MANBA: variants seen among roughly 807,000 people sequenced by gnomAD.
MANBA encodes the protein beta-mannosidase.
In MANBA, 83 loss-of-function variants were observed where a neutral mutation model predicts 111.1. That is an observed-to-expected ratio of 0.75 (90% CI 0.63 to 0.90). MANBA has a LOEUF of 0.90. Among genes scored for constraint, MANBA ranks in the 40% least tolerant of loss-of-function variants. The pLI is 0.00. For synonymous variants in MANBA, 370 were observed against 378.7 expected (o/e 0.98, Z 0.27); for missense variants, 1,036 against 1,069.0 (o/e 0.97, Z 0.43).
intron 1 of MANBA, among the ~76,000 whole-genome samples, chr4:102,752,955 C>T (rs1723865581): frequency 6.6e-6 from 1 of 152,090 alleles, no homozygotes; most frequent in Admixed American, 6.5e-5. Context: ...GTCCCAATTG[C>T]ATGTGAAGAA....
chr4:102,760,924 G>T lies in MANBA; in HGVS notation c.-30C>A. The T allele has an allele frequency of 6.5e-7, 1 of 1,543,564 alleles. No homozygotes were observed. Among genetic ancestry groups the T allele is most frequent in the Non-Finnish European group, 8.7e-7 (1 of 1,148,734 alleles). On this transcript the variant is annotated 5_prime_UTR_variant, in exon 1 of 17. Transcript: ENST00000647097. ...AGATCCCGCGCCACCGAGATGTGGA[G>T]AGATCGAAAGGCAGCGCTGCAAGGG...
At chr4:102,712,186 T>G (rs934020086) in intron 5 of MANBA, among the ~76,000 whole-genome samples, 2 of 152,194 alleles carry the variant, frequency 1.3e-5, no homozygotes, top group Non-Finnish European at 1.5e-5. Context: ...CCCATAAATA[T>G]GTACAAATAT....
chr4:102,733,346 T>C (rs1054160796), intron 1 of MANBA, among the ~76,000 whole-genome samples: 25 of 148,826 alleles, frequency 1.7e-4, no homozygotes, highest in Admixed American at 5.3e-4. Context: ...AAGTCCTCTC[T>C]GCATTTTTTT....
chr4:102,641,279 G>T (rs1036049294), intron 13 of MANBA, among the ~76,000 whole-genome samples: 1 of 152,190 alleles, frequency 6.6e-6, no homozygotes, highest in African/African-American at 2.4e-5. Context: ...ACAGGAAGCC[G>T]GGAGCAATGG....
intron 14 of MANBA, among the ~76,000 whole-genome samples, chr4:102,636,269 T>C (rs992624231): frequency 1.3e-5 from 2 of 152,208 alleles, no homozygotes; most frequent in African/African-American, 4.8e-5. Context: ...TTCATCATTG[T>C]GTGATCATAG....
chr4:102,672,601 A>G (rs375858152), intron 8 of MANBA, among the ~76,000 whole-genome samples: 19 of 152,338 alleles, frequency 1.2e-4, no homozygotes, highest in African/African-American at 4.3e-4. Flanking sequence ...CCATCCTACA[A>G]CAGGGGTCCC....
intron 7 of MANBA, 45 bp from the exon 8 acceptor site, chr4:102,674,115 A>C: frequency 1.4e-6 from 2 of 1,452,634 alleles, no homozygotes; most frequent in Non-Finnish European, 9.6e-7. Context: ...TTTAAACATA[A>C]GCAAAATAGT....
chr4:102,660,430 A>T (rs189017745), intron 11 of MANBA, among the ~76,000 whole-genome samples: 26 of 152,298 alleles, frequency 1.7e-4, no homozygotes, highest in African/African-American at 6.0e-4. Flanking sequence ...AAGCACTTAC[A>T]TAATTAACTT....
intron 1 of MANBA, among the ~76,000 whole-genome samples, chr4:102,747,227 C>A (rs966105977): frequency 6.6e-6 from 1 of 151,826 alleles, no homozygotes; most frequent in Non-Finnish European, 1.5e-5. Flanking sequence ...TCCCATAACA[C>A]GCCATCTGCA....
chr4:102,737,553 G>A (rs1723260820), intron 1 of MANBA, among the ~76,000 whole-genome samples: 1 of 151,934 alleles, frequency 6.6e-6, no homozygotes, highest in African/African-American at 2.4e-5. Context: ...CACGATCTCT[G>A]CTCACTGCAA....
At position 102,632,224 on chromosome 4, in the gene MANBA, C is replaced by T. The variant is rs182869272; in HGVS notation, c.2473G>A (p.Ala825Thr). The T allele has an allele frequency of 6.6e-5, 107 of 1,613,664 alleles. 1 individual carries two copies. The highest frequency in any genetic ancestry group is 1.7e-4 in the Middle Eastern group (1 of 6,058). ...FVFDLETSAVAPFVWLDVGSI... is the reference protein window; with the variant it reads ...FVFDLETSAVTPFVWLDVGSI... ...CCTACATCCAACCAAACAAAGGGAG[C>T]GACAGCTGAGGTCTCCAGGTCAAAA... is the stretch of plus-strand genomic sequence containing the variant. The change falls in exon 17 of 17, where the codon GCT becomes ACT. Residue 825 changes from alanine to threonine, a missense_variant. Physicochemically the swap from Ala to Thr is moderately conservative, Grantham distance 58. Coordinates refer to ENST00000647097, the MANE Select transcript of MANBA (RefSeq NM_005908.4).
intron 5 of MANBA, among the ~76,000 whole-genome samples, chr4:102,700,489 G>C (rs1380840424): frequency 4.0e-5 from 6 of 151,524 alleles, no homozygotes; most frequent in Non-Finnish European, 5.9e-5. Flanking sequence ...TTCTCTTGTG[G>C]GCATTTAGTG....
chr4:102,760,400 GGCA>G (rs1211104660), intron 1 of MANBA, among the ~76,000 whole-genome samples: 1 of 152,076 alleles, frequency 6.6e-6, no homozygotes, highest in Non-Finnish European at 1.5e-5. Flanking sequence ...TGTCAGTGAC[GGCA>G]TGCCCTTTGT....
intron 11 of MANBA, among the ~76,000 whole-genome samples, chr4:102,661,047 C>T (rs1327525068): frequency 3.3e-5 from 5 of 152,234 alleles, no homozygotes; most frequent in Non-Finnish European, 7.4e-5. Flanking sequence ...ACCTTCCATT[C>T]TCCCACAGTA....
intron 11 of MANBA, among the ~76,000 whole-genome samples, chr4:102,661,184 T>A (rs946305036): frequency 6.6e-6 from 1 of 152,220 alleles, no homozygotes; most frequent in Non-Finnish European, 1.5e-5. Flanking sequence ...TAGACAATGC[T>A]TTGCCTCAAA....
intron 5 of MANBA, among the ~76,000 whole-genome samples, chr4:102,697,578 A>G (rs888178744): frequency 7.2e-6 from 1 of 138,800 alleles, no homozygotes; most frequent in Non-Finnish European, 1.5e-5. Context: ...TCATTGTTCA[A>G]TTCCCACCTA....
chr4:102,687,251 C>T (rs946402036), intron 7 of MANBA, among the ~76,000 whole-genome samples: 4 of 152,122 alleles, frequency 2.6e-5, no homozygotes, highest in African/African-American at 9.7e-5. Context: ...GTAGACCAAC[C>T]AATCCTCATT....
intron 9 of MANBA, among the ~76,000 whole-genome samples, chr4:102,670,742 G>A (rs1353150748): frequency 1.3e-5 from 2 of 152,138 alleles, no homozygotes; most frequent in African/African-American, 4.8e-5. Context: ...GCACATGCCT[G>A]TAATCCCAGC....
chr4:102,648,055 C>T (rs1047508658), intron 13 of MANBA, among the ~76,000 whole-genome samples: 1 of 152,032 alleles, frequency 6.6e-6, no homozygotes, highest in Admixed American at 6.6e-5. Flanking sequence ...TATGGCAAAA[C>T]TAGCAGGTAA....
Sources: gnomAD v4.1 joint callset for allele counts (sites outside exome capture counted in the v4.1 genomes callset) on GRCh38, gnomAD v4.1.1 for gene constraint, MANE v1.5 for transcripts, NCBI Gene and HGNC (gene_info 2026-07-23, HGNC 2026-07-21) for gene names.